Variants in NEMP2 observed in about 807,000 individuals in gnomAD.
The protein encoded by NEMP2 is nuclear envelope integral membrane protein 2.
A neutral mutation model predicts 54.2 loss-of-function variants in NEMP2; 53 were observed. The ratio of observed to expected loss-of-function variants is 0.98; its 90% CI spans 0.78 to 1.23. The LOEUF is 1.23. Among genes scored for constraint, NEMP2 ranks in the 50% most tolerant of loss-of-function variants. The pLI, the probability that NEMP2 is intolerant of heterozygous loss-of-function variation, is 0.00. For synonymous variants in NEMP2, 197 were observed against 190.3 expected (o/e 1.04, Z -0.29); for missense variants, 455 against 511.3 (o/e 0.89, Z 1.06).
the NEMP2 span, among the ~76,000 whole-genome samples, chr2:190,471,054 G>A: frequency 6.6e-6 from 1 of 152,102 alleles, no homozygotes; most frequent in African/African-American, 2.4e-5. This position sits in a 1 kb window ranked among gnomAD's most constrained non-coding sequence, Gnocchi z 4.7. Flanking sequence ...ACTCTGGAAG[G>A]GTCTTGAGGG....
chr2:190,585,922 A>C, the NEMP2 span, among the ~76,000 whole-genome samples: 14 of 152,130 alleles, frequency 9.2e-5, no homozygotes, highest in Non-Finnish European at 1.8e-4. This position sits in a 1 kb window ranked among gnomAD's most constrained non-coding sequence, Gnocchi z 5.3. Flanking sequence ...GCTTCAAACA[A>C]ATAACCCAGA....
In NEMP2 at chr2:190,522,931, A is replaced by T. The variant is rs911617755; in HGVS notation, c.213+2332T>A. ...TGTATACCTTAAATGTATTTGATTAATGTCTCATGTCTCCCTAAAATATGT... is the reference window on the plus strand; with the variant it reads ...TGTATACCTTAAATGTATTTGATTATTGTCTCATGTCTCCCTAAAATATGT... On this transcript the variant is annotated intron_variant, in intron 2 of 8. Coordinates refer to ENST00000409150, the MANE Select transcript of NEMP2 (RefSeq NM_001142645.2). The surrounding 1 kb of genome is among the most constrained non-coding windows in gnomAD (Gnocchi z 5.0). Among the ~76,000 whole-genome samples, 4 of 152,176 alleles carry T rather than the reference A, an allele frequency of 2.6e-5. No homozygotes were observed. Among genetic ancestry groups the T allele is most frequent in the Non-Finnish European group, 5.9e-5 (4 of 68,036 alleles).
chr2:190,617,514 T>A, the NEMP2 span, among the ~76,000 whole-genome samples: 2 of 152,144 alleles, frequency 1.3e-5, no homozygotes, highest in Non-Finnish European at 2.9e-5. The surrounding 1 kb of genome is among the most constrained non-coding windows in gnomAD (Gnocchi z 5.0). Flanking sequence ...AAAATTAAAT[T>A]ACTCCTTTCA....
the NEMP2 span, among the ~76,000 whole-genome samples, chr2:190,450,530 T>TCTCCCAGG: frequency 7.0e-6 from 1 of 142,192 alleles, no homozygotes; most frequent in African/African-American, 2.6e-5. Flanking sequence ...TCTCACTCTG[T>TCTCCCAGG]CTCCCAGGCT....
At chr2:190,481,178 G>A in the NEMP2 span, among the ~76,000 whole-genome samples, 3 of 152,188 alleles carry the variant, frequency 2.0e-5, no homozygotes, top group Admixed American at 6.5e-5. Flanking sequence ...CTGGGTTTTG[G>A]GTGGTAGTCT....
chr2:190,460,326 T>C, the NEMP2 span, among the ~76,000 whole-genome samples: 21,481 of 152,258 alleles, frequency 0.14, 1,718 homozygotes, highest in Middle Eastern at 0.21. Flanking sequence ...TCTAGGCCTC[T>C]TTTTTAAGTC....
At chr2:190,460,779 C>T in the NEMP2 span, among the ~76,000 whole-genome samples, 1 of 152,088 alleles carries the variant, frequency 6.6e-6, no homozygotes, top group Admixed American at 6.5e-5. Context: ...GGATGGTGGC[C>T]GAGTGAGTCC....
At chr2:190,589,175 A>T in the NEMP2 span, among the ~76,000 whole-genome samples, 3 of 152,054 alleles carry the variant, frequency 2.0e-5, no homozygotes, top group Non-Finnish European at 4.4e-5. The surrounding 1 kb of genome is among the most constrained non-coding windows in gnomAD (Gnocchi z 4.3). Context: ...TGTTGACTGG[A>T]GCCTCTAGCA....
At chr2:190,609,185 C>T in the NEMP2 span, 3 of 152,286 alleles carry the variant, frequency 2.0e-5, 1 homozygote, top group East Asian at 5.8e-4. This position sits in a 1 kb window ranked among gnomAD's most constrained non-coding sequence, Gnocchi z 4.7. Flanking sequence ...CAAAGTTTTC[C>T]AGAGCTTATA....
the NEMP2 span, among the ~76,000 whole-genome samples, chr2:190,620,121 A>C: frequency 6.6e-6 from 1 of 152,192 alleles, no homozygotes; most frequent in Non-Finnish European, 1.5e-5. This position sits in a 1 kb window ranked among gnomAD's most constrained non-coding sequence, Gnocchi z 4.9. Context: ...CTAAGCTCTC[A>C]GTTGGATGTG....
chr2:190,532,636 T>C (rs950776935), intron 1 of NEMP2, among the ~76,000 whole-genome samples: 8 of 152,192 alleles, frequency 5.3e-5, no homozygotes, highest in African/African-American at 1.7e-4. Flanking sequence ...CTCCATTCCA[T>C]TGAAGTGTGT....
In NEMP2 at chr2:190,534,579, G is replaced by A. The variant is rs370393421; in HGVS notation, c.77C>T (p.Ala26Val). 4.4e-5 allele frequency: 62 copies of A among 1,398,200 alleles called. No homozygotes were observed. In the East Asian group the frequency reaches 8.6e-4, roughly 19 times the overall value. The allele number at this position is 1,398,200 out of a possible 1,614,324, so 86.6% of individuals were successfully genotyped here. A position where few individuals can be genotyped will look rare whatever the true frequency, so the allele number is the denominator to read the frequency against. ...PLATLPVRGE[A>V]AAAALSVRRC... ...GTTACCTGATAACGCTGCCGCCGCC[G>A]CCTCCCCGCGCACGGGCAGTGTGGC... The change falls in exon 1 of 9, where the codon GCG becomes GTG. Residue 26 changes from alanine to valine, a missense_variant. By Grantham distance (64) the Ala-to-Val change is moderately conservative. Coordinates refer to ENST00000409150, the MANE Select transcript of NEMP2 (RefSeq NM_001142645.2).
At chr2:190,444,784 G>A in the NEMP2 span, 1 of 324,100 alleles carries the variant, frequency 3.1e-6, no homozygotes, top group Non-Finnish European at 4.4e-6. Flanking sequence ...GAGTATTAGG[G>A]TGCTAAAACC....
the NEMP2 span, among the ~76,000 whole-genome samples, chr2:190,544,798 TA>T: frequency 6.6e-6 from 1 of 152,024 alleles, no homozygotes; most frequent in East Asian, 1.9e-4. Context: ...ATTATTTTTT[TA>T]AAAAGTAGCC....
the NEMP2 span, among the ~76,000 whole-genome samples, chr2:190,595,095 A>C: frequency 2.0e-5 from 3 of 152,184 alleles, no homozygotes. This position sits in a 1 kb window ranked among gnomAD's most constrained non-coding sequence, Gnocchi z 4.0. Flanking sequence ...ATGTACATTA[A>C]AATAAATTAG....
rs1249164525 is a variant in NEMP2, at chr2:190,534,602, G to C, written c.54C>G (p.Ala18=). The change falls in exon 1 of 9, where the codon GCC becomes GCG. Residue 18 remains alanine (A), a synonymous_variant. Coordinates refer to ENST00000409150, the MANE Select transcript of NEMP2 (RefSeq NM_001142645.2). The part of the protein sequence containing the change: ...WWLLLWLPPL[A]TLPVRGEAAA... ...CCGCCTCCCCGCGCACGGGCAGTGTGGCCAGGGGCGGCAGCCAGAGCAGCA... is the reference window on the plus strand; with the variant it reads ...CCGCCTCCCCGCGCACGGGCAGTGTCGCCAGGGGCGGCAGCCAGAGCAGCA... The C allele has an allele frequency of 5.7e-6, 8 of 1,391,396 alleles. No homozygotes were observed. Among genetic ancestry groups the C allele is most frequent in the Non-Finnish European group, 7.4e-6 (8 of 1,076,648 alleles). The allele number at this position is 1,391,396 out of a possible 1,614,324, so 86.2% of individuals were successfully genotyped here. A position where few individuals can be genotyped will look rare whatever the true frequency, so the allele number is the denominator to read the frequency against.
chr2:190,604,449 C>A, the NEMP2 span, among the ~76,000 whole-genome samples: 2 of 152,202 alleles, frequency 1.3e-5, no homozygotes, highest in Non-Finnish European at 2.9e-5. This position sits in a 1 kb window ranked among gnomAD's most constrained non-coding sequence, Gnocchi z 4.5. Context: ...CACCTTTAAC[C>A]CAACCCTTTC....
At chr2:190,442,275 A>G in the NEMP2 span, among the ~76,000 whole-genome samples, 3 of 152,126 alleles carry the variant, frequency 2.0e-5, no homozygotes, top group South Asian at 6.2e-4. Flanking sequence ...AATTTAGTTG[A>G]ACAGTTATTT....
the NEMP2 span, among the ~76,000 whole-genome samples, chr2:190,627,388 T>C: frequency 4.1e-3 from 618 of 152,382 alleles, 5 homozygotes; most frequent in Non-Finnish European, 7.1e-3. The surrounding 1 kb of genome is among the most constrained non-coding windows in gnomAD (Gnocchi z 4.4). Flanking sequence ...ATTTCTGATT[T>C]ACTCTGACCA....
Sources: gnomAD v4.1 joint callset for allele counts (sites outside exome capture counted in the v4.1 genomes callset) on GRCh38, gnomAD v4.1.1 for gene constraint, Gnocchi (gnomAD v3.1) non-coding constraint, MANE v1.5 for transcripts, NCBI Gene and HGNC (gene_info 2026-07-23, HGNC 2026-07-21) for gene names.